NUDT18: variants seen among roughly 807,000 people sequenced by gnomAD.
NUDT18 encodes the protein nudix hydrolase 18.
A neutral mutation model predicts 27.6 loss-of-function variants in NUDT18; 26 were observed. That is an observed-to-expected ratio of 0.94 (90% confidence interval 0.69 to 1.31). The LOEUF (loss-of-function observed/expected upper bound fraction) is 1.31, where lower values mean the gene tolerates loss of function less well. NUDT18 is among the 50% of genes most tolerant of loss of function. NUDT18 has a pLI of 0.00. For synonymous variants in NUDT18, 220 were observed against 196.9 expected, an observed-to-expected ratio of 1.12 and a Z score of -0.98; for missense variants, 450 against 433.4, an observed-to-expected ratio of 1.04 and a Z score of -0.34.
At chr8:22,110,280 C>T (rs1375232585), upstream of NUDT18, among the ~76,000 whole-genome samples, 1 of 152,184 alleles carries the variant, frequency 6.6e-6, no homozygotes, top group Non-Finnish European at 1.5e-5. Context: ...GCGTGGAGAG[C>T]AGGGTGGGGG....
chr8:22,109,484 G>T (rs1467726842), upstream of NUDT18: 10 of 518,854 alleles, frequency 1.9e-5, no homozygotes, highest in Non-Finnish European at 2.8e-5. Flanking sequence ...GCTGCGCGGC[G>T]CCGCGGCCTG....
At position 22,109,128 on chromosome 8, in the gene NUDT18, C is replaced by T. The variant is rs1469535382; in HGVS notation, c.162+11G>A. On this transcript the variant is annotated intron_variant, in intron 1 of 2. Coordinates refer to ENST00000611621, the MANE Select transcript of NUDT18 (RefSeq NM_024815.4). The stretch of plus-strand genomic sequence containing the variant: ...TCCCGAGGCCCGGCGGGCCCGGGGG[C>T]GGCCGCTCACCTGCTCGCTGAGGAA... 1.4e-6 allele frequency: 2 copies of T among 1,408,976 alleles called. No individual in the cohort carries two copies. The highest frequency in any genetic ancestry group is 1.5e-5 in the South Asian group (1 of 67,560). The allele number at this position is 1,408,976 out of a possible 1,614,324, so 87.3% of individuals were successfully genotyped here.
In NUDT18 at chr8:22,107,625, A is replaced by G; in HGVS notation, c.647T>C (p.Val216Ala). The G allele has an allele frequency of 6.2e-7, 1 of 1,613,278 alleles. No homozygotes were observed. Among genetic ancestry groups the G allele is most frequent in the Non-Finnish European group, 8.5e-7 (1 of 1,179,828 alleles). The change falls in exon 3 of 3, where the codon GTC becomes GCC. Residue 216 changes from valine to alanine, a missense_variant. By Grantham distance (64) the Val-to-Ala change is moderately conservative. Transcript: ENST00000611621. ...VGTVGMPHLP[V>A]TACGLDPMEQ... ...CATAGGGTCGAGGCCACAGGCAGTG[A>G]CAGGCAAGTGAGGCATCCCCACTGT... is the stretch of plus-strand genomic sequence containing the variant.
upstream of NUDT18, chr8:22,109,620 T>G: frequency 4.1e-6 from 2 of 491,082 alleles, no homozygotes; most frequent in Non-Finnish European, 8.0e-6. Flanking sequence ...GTCAGTCCCG[T>G]GCGCTCGGGA....
At chr8:22,110,244 C>G (rs559112315), upstream of NUDT18, among the ~76,000 whole-genome samples, 3 of 152,380 alleles carry the variant, frequency 2.0e-5, no homozygotes, top group Admixed American at 6.5e-5. Flanking sequence ...TGTCGTCACC[C>G]TCCCACCCAG....
chr8:22,109,438 AACGCGGAAGCGC>A, upstream of NUDT18: 1 of 595,064 alleles, frequency 1.7e-6, no homozygotes, highest in Non-Finnish European at 2.5e-6. Flanking sequence ...AGCGCACGCG[AACGCGGAAGCGC>A]ACGCGAGCTC....
chr8:22,108,632 C>CT (rs527572228), intron 1 of NUDT18, among the ~76,000 whole-genome samples: 97 of 152,304 alleles, frequency 6.4e-4, no homozygotes, highest in Middle Eastern at 6.8e-3. Context: ...CACCATGTGT[C>CT]TGTCTGTCTT....
chr8:22,109,211 C>T lies in NUDT18; in HGVS notation c.90G>A (p.Gly30=). The change falls in exon 1 of 3, where the codon GGG becomes GGA. Residue 30 remains glycine, a synonymous_variant. Coordinates refer to ENST00000611621, the MANE Select transcript of NUDT18 (RefSeq NM_024815.4). ...SVHSCDSAPA[G]EPPAPVRLRK... ...GCAGCCGCACGGGCGCCGGCGGCTC[C>T]CCGGCCGGCGCCGAGTCGCAGCTGT... is the stretch of plus-strand genomic sequence containing the variant. The T allele has an allele frequency of 2.8e-6, 4 of 1,443,336 alleles. No individual in the cohort carries two copies. The highest frequency in any genetic ancestry group is 1.4e-5 in the South Asian group (1 of 73,468). The allele number at this position is 1,443,336 out of a possible 1,614,324, so 89.4% of individuals were successfully genotyped here. A position where few individuals can be genotyped will look rare whatever the true frequency, so the allele number is the denominator to read the frequency against.
In NUDT18 at chr8:22,107,359, G is replaced by C. The variant is rs1826382732; in HGVS notation, c.913C>G (p.Leu305Val). 2.5e-6 allele frequency: 4 copies of C among 1,613,400 alleles called. No individual in the cohort carries two copies. The African/African-American group carries it at 5.3e-5, about 22-fold the overall frequency. The change falls in exon 3 of 3, where the codon CTG (leucine) becomes GTG (valine). Residue 305 changes from leucine to valine, a missense_variant. Transcript: ENST00000611621. Reference protein sequence around the residue: ...FSWWKVMEEDLQSQLLQRLQG... With the variant: ...FSWWKVMEEDVQSQLLQRLQG... ...AGCCGCTGGAGGAGCTGGCTTTGCA[G>C]GTCTTCCTCCATCACCTTCCACCAA...
At position 22,107,295 on chromosome 8, in the gene NUDT18, C is replaced by T; in HGVS notation, c.*5G>A. On this transcript the variant is annotated 3_prime_UTR_variant, in exon 3 of 3. Transcript: ENST00000611621. Reference sequence around the variant, plus strand: ...GCCTAGCTCCCTGTCACCTCCCCCACCTCTCTATCTGTTCACTGGGACAAC... The same window carrying T: ...GCCTAGCTCCCTGTCACCTCCCCCATCTCTCTATCTGTTCACTGGGACAAC... 1.3e-6 allele frequency: 2 copies of T among 1,582,620 alleles called. No individual in the cohort carries two copies. The highest frequency in any genetic ancestry group is 1.2e-5 in the South Asian group (1 of 86,304).
chr8:22,107,908 T>C lies in NUDT18; in HGVS notation c.377-13A>G. ...TTGAGAATTCCACCTGGGGGAGATG[T>C]GGGGGATGGGGCAGGGAGGGTCTGT... On this transcript the variant is annotated splice_polypyrimidine_tract_variant and intron_variant, in intron 2 of 2. Transcript: ENST00000611621. The C allele has an allele frequency of 6.4e-7, 1 of 1,554,352 alleles. No homozygotes were observed.
Position 22,109,378 on chromosome 8 carries a change from C to CCCGCTCCCAGCCCCTGCGGAGA in NUDT18, c.-79_-78insTCTCCGCAGGGGCTGGGAGCGG. ...CCGCGGGCTAGAGTGCGCTGCGGAG[C>CCCGCTCCCAGCCCCTGCGGAGA]CCGCTCCCAGTCCCTGCGGCAGCGG... On this transcript the variant is annotated 5_prime_UTR_variant, in exon 1 of 3. Transcript: ENST00000611621. 1 of 1,195,274 alleles carries CCCGCTCCCAGCCCCTGCGGAGA rather than the reference C, an allele frequency of 8.4e-7. No individual in the cohort carries two copies. Among genetic ancestry groups the CCCGCTCCCAGCCCCTGCGGAGA allele is most frequent in the South Asian group, 2.4e-5 (1 of 42,468 alleles). The allele number at this position is 1,195,274 out of a possible 1,614,324, so 74.0% of individuals were successfully genotyped here.
In NUDT18 at chr8:22,107,013, G is replaced by T; in HGVS notation, c.*287C>A. The T allele has an allele frequency of 2.5e-6, 1 of 397,404 alleles. No individual in the cohort carries two copies. Among genetic ancestry groups the T allele is most frequent in the Non-Finnish European group, 4.6e-6 (1 of 217,950 alleles). The allele number at this position is 397,404 out of a possible 1,614,324, so 24.6% of individuals were successfully genotyped here. ...ACGGCACAGAACGTGATGAGGAGAT[G>T]CCACTGGGGGTGCAGAAAGCTCCCC... On this transcript the variant is annotated 3_prime_UTR_variant, in exon 3 of 3. Transcript: ENST00000611621.
At chr8:22,109,594 C>A (rs1826436666), upstream of NUDT18, 4 of 510,700 alleles carry the variant, frequency 7.8e-6, no homozygotes, top group South Asian at 6.4e-5. Context: ...CGGACCCCGC[C>A]CGGCTTCTGC....
intron 2 of NUDT18, 25 bp downstream of exon 2, chr8:22,108,108 C>G (rs1268507568): frequency 6.8e-7 from 1 of 1,478,706 alleles, no homozygotes; most frequent in East Asian, 2.4e-5. Context: ...TGGCCCTGTT[C>G]ACACTGCCTC....
chr8:22,107,502 A>G lies in NUDT18; in HGVS notation c.770T>C (p.Leu257Pro). The stretch of plus-strand genomic sequence containing the variant: ...ACTGTGATCTCGGCCCAGGTGCTGC[A>G]GTCCAAGCAACCCCTTGATCTCCAC... ...LVVEIKGLLG[L>P]QHLGRDHSDG... Residue 257 changes from leucine (L) to proline (P), a missense_variant, in exon 3 of 3, where the codon CTG (leucine) becomes CCG (proline). Leu to Pro is a moderately conservative substitution (Grantham distance 98, BLOSUM62 -3). Transcript: ENST00000611621. 6.2e-7 allele frequency: 1 copy of G among 1,613,020 alleles called. No homozygotes were observed. Among genetic ancestry groups the G allele is most frequent in the East Asian group, 2.2e-5 (1 of 44,860 alleles).
chr8:22,109,405 C>T lies in NUDT18; in HGVS notation c.-105G>A. 3.1e-6 allele frequency: 1 copy of T among 323,432 alleles called. No homozygotes were observed. The highest frequency in any genetic ancestry group is 7.5e-5 in the East Asian group (1 of 13,308). 20.0% of individuals were successfully genotyped at this position (323,432 alleles called of 1,614,324 possible). A position where few individuals can be genotyped will look rare whatever the true frequency, so the allele number is the denominator to read the frequency against. On this transcript the variant is annotated 5_prime_UTR_variant, in exon 1 of 3. Transcript: ENST00000611621. ...CGCTCCCAGTCCCTGCGGCAGCGGG[C>T]CGGGAGCTCACGAGAACGCGGAAGC...
In NUDT18 at chr8:22,108,212, G is replaced by A. The variant is rs1826401554; in HGVS notation, c.297C>T (p.His99=). 1 of 1,595,670 alleles carries A rather than the reference G, an allele frequency of 6.3e-7. No homozygotes were observed. The highest frequency in any genetic ancestry group is 8.5e-7 in the Non-Finnish European group (1 of 1,172,112). The part of the protein sequence containing the change: ...QREVKEEAGL[H]CEPETLLSVE... ...CGGACAGCAGTGTCTCGGGCTCACA[G>A]TGCAGCCCCGCCTCCTCCTTCACCT... Residue 99 remains histidine (H), a synonymous_variant, in exon 2 of 3, where the codon CAC becomes CAT. Transcript: ENST00000611621.
At position 22,109,246 on chromosome 8, in the gene NUDT18, A is replaced by G. The variant is rs1474277939; in HGVS notation, c.55T>C (p.Ser19Pro). 13 of 1,415,582 alleles carry G rather than the reference A, an allele frequency of 9.2e-6. No individual in the cohort carries two copies. The highest frequency in any genetic ancestry group is 1.1e-5 in the Non-Finnish European group (12 of 1,092,432). 87.7% of individuals were successfully genotyped at this position (1,415,582 alleles called of 1,614,324 possible). ...ALASVLAGQG[S>P]SVHSCDSAPA... The stretch of plus-strand genomic sequence containing the variant: ...GCCGAGTCGCAGCTGTGCACGCTGG[A>G]CCCCTGGCCAGCCAGCACGGAAGCC... Residue 19 changes from serine (S) to proline (P), a missense_variant, in exon 1 of 3, where the codon TCC becomes CCC. Coordinates refer to ENST00000611621, the MANE Select transcript of NUDT18 (RefSeq NM_024815.4).
Sources: gnomAD v4.1 joint callset for allele counts (sites outside exome capture counted in the v4.1 genomes callset) on GRCh38, gnomAD v4.1.1 for gene constraint, MANE v1.5 for transcripts, NCBI Gene and HGNC (gene_info 2026-07-23, HGNC 2026-07-21) for gene names.